MPZL1: variants seen among roughly 807,000 people sequenced by gnomAD.
MPZL1 encodes myelin protein zero-like protein 1.
Under a neutral mutation model 29.3 loss-of-function variants are expected in MPZL1, and 16 were observed. That is an observed-to-expected ratio of 0.55 (90% CI 0.37 to 0.83). The LOEUF is 0.83. Among genes scored for constraint, MPZL1 ranks in the 40% least tolerant of loss-of-function variants. The pLI is 0.00. For synonymous variants in MPZL1, 143 were observed against 132.0 expected (o/e 1.08, Z -0.57); for missense variants, 279 against 332.9 (o/e 0.84, Z 1.26).
At chr1:167,771,803 G>A (rs543514222) in intron 2 of MPZL1, among the ~76,000 whole-genome samples, 29 of 149,736 alleles carry the variant, frequency 1.9e-4, no homozygotes, top group African/African-American at 6.6e-4. Context: ...GCAGCGAGCC[G>A]AGATCACACC....
At position 167,773,245 on chromosome 1, in the gene MPZL1, C is replaced by T. The variant is rs1161083277; in HGVS notation, c.482C>T (p.Pro161Leu). 1.2e-6 allele frequency: 2 copies of T among 1,612,704 alleles called. No homozygotes were observed. The highest frequency in any genetic ancestry group is 1.7e-5 in the Admixed American group (1 of 59,872). The change falls in exon 4 of 6, where the codon CCT (proline) becomes CTT (leucine). Residue 161 changes from proline to leucine, a missense_variant. Physicochemically the swap from Pro to Leu is moderately conservative, Grantham distance 98 (BLOSUM62 -3). Transcript: ENST00000359523. The stretch of plus-strand genomic sequence containing the variant: ...TGTTCTTTCTCTCTAGAGAATTTGC[C>T]TGTGTTTCCAGTTTGGGTAGTGGTG... ...RLYVVEKENL[P>L]VFPVWVVVGI... is the part of the protein sequence containing the mutation.
chr1:167,775,735 AG>A lies in MPZL1; in HGVS notation c.606-324del, dbSNP rs1661352033. ...TTTATCCCAAAGGAGGGTTGATGGC[AG>A]GGGGAAAAGACAAACAGCAAAAGGA... On this transcript the variant is annotated intron_variant, in intron 4 of 5. Transcript: ENST00000359523. 2.0e-5 allele frequency among the ~76,000 whole-genome samples: 3 copies of A among 152,324 alleles called. No homozygotes were observed. The South Asian group carries it at 6.2e-4, about 32-fold the overall frequency.
intron 1 of MPZL1, among the ~76,000 whole-genome samples, chr1:167,739,323 T>TATATACACATACATACA (rs1437358979): frequency 1.1e-5 from 1 of 93,406 alleles, no homozygotes; most frequent in Non-Finnish European, 2.1e-5. Flanking sequence ...ATATATATAT[T>TATATACACATACATACA]TATGTTTATT....
chr1:167,777,789 T>C (rs577644071), intron 5 of MPZL1, among the ~76,000 whole-genome samples: 1 of 152,300 alleles, frequency 6.6e-6, no homozygotes, highest in Non-Finnish European at 1.5e-5. Flanking sequence ...GAGAGACTTA[T>C]AATACACAGG....
At chr1:167,738,673 A>G (rs939686268) in intron 1 of MPZL1, among the ~76,000 whole-genome samples, 6 of 151,360 alleles carry the variant, frequency 4.0e-5, no homozygotes, top group Admixed American at 3.3e-4. Flanking sequence ...TGAGTGAGTT[A>G]TTGCGAGATC....
chr1:167,731,926 T>C (rs1217500730), intron 1 of MPZL1, among the ~76,000 whole-genome samples: 3 of 152,188 alleles, frequency 2.0e-5, no homozygotes. Context: ...AAGCCACAAA[T>C]ACTTTGAAAA....
chr1:167,785,959 A>AT (rs1558127482), intron 5 of MPZL1, among the ~76,000 whole-genome samples: 1 of 151,904 alleles, frequency 6.6e-6, no homozygotes, highest in East Asian at 1.9e-4. Flanking sequence ...TGCCCGGCGA[A>AT]TTTTTTTGTA....
chr1:167,742,746 C>T (rs1023409614), intron 1 of MPZL1, among the ~76,000 whole-genome samples: 16 of 152,114 alleles, frequency 1.1e-4, no homozygotes, highest in African/African-American at 3.9e-4. Context: ...ATGTTCTCTT[C>T]TAGAATTTTT....
At chr1:167,743,571 G>T (rs1271093632) in intron 1 of MPZL1, among the ~76,000 whole-genome samples, 1 of 149,330 alleles carries the variant, frequency 6.7e-6, no homozygotes, top group African/African-American at 2.4e-5. Flanking sequence ...TGTCATCTGT[G>T]ATTTCTTTCA....
chr1:167,765,571 C>T lies in MPZL1; in HGVS notation c.92-12C>T. The T allele has an allele frequency of 6.3e-7, 1 of 1,597,692 alleles. No individual in the cohort carries two copies. The highest frequency in any genetic ancestry group is 1.1e-5 in the South Asian group (1 of 87,730). On this transcript the variant is annotated splice_polypyrimidine_tract_variant and intron_variant, in intron 1 of 5. Coordinates refer to ENST00000359523, the MANE Select transcript of MPZL1 (RefSeq NM_003953.6). Reference sequence around the variant, plus strand: ...GTCCTACTTTCAACTACCCTTATTCCTTTCTCTTCAGTGACAGCTGGAGTA... The same window carrying T: ...GTCCTACTTTCAACTACCCTTATTCTTTTCTCTTCAGTGACAGCTGGAGTA...
intron 2 of MPZL1, 83 bp downstream of exon 2, chr1:167,765,832 G>A: frequency 7.8e-7 from 1 of 1,286,758 alleles, no homozygotes. Context: ...TTTTTCTGAT[G>A]GTTCATTTCC....
At chr1:167,737,644 T>C (rs1279390668) in intron 1 of MPZL1, among the ~76,000 whole-genome samples, 1 of 152,228 alleles carries the variant, frequency 6.6e-6, no homozygotes, top group East Asian at 1.9e-4. Context: ...TCAATGGCTC[T>C]GGCCATCAAG....
chr1:167,745,092 T>C (rs1249929065), intron 1 of MPZL1, among the ~76,000 whole-genome samples: 1 of 152,126 alleles, frequency 6.6e-6, no homozygotes, highest in Non-Finnish European at 1.5e-5. Flanking sequence ...AAAAGGATAC[T>C]GGCTCTCCTT....
rs182230805 is a variant in MPZL1, at chr1:167,768,780, T to G, written c.258+3031T>G. Among the ~76,000 whole-genome samples the G allele has an allele frequency of 7.4e-4, 112 of 152,336 alleles. 1 individual carries two copies. Among genetic ancestry groups the G allele is most frequent in the African/African-American group, 2.6e-3 (110 of 41,578 alleles). On this transcript the variant is annotated intron_variant, in intron 2 of 5. Transcript: ENST00000359523. ...CCCCCATTCAATGAGGGAGCCTGAC[T>G]GAGGGAGCTGTCTCAGACCCAGTGC...
intron 1 of MPZL1, among the ~76,000 whole-genome samples, chr1:167,752,651 G>A (rs1256038780): frequency 6.6e-6 from 1 of 152,154 alleles, no homozygotes; most frequent in Non-Finnish European, 1.5e-5. Flanking sequence ...TTTACTTTCT[G>A]TTCAAGGGTG....
At chr1:167,751,658 G>A (rs1175327093) in intron 1 of MPZL1, among the ~76,000 whole-genome samples, 3 of 144,176 alleles carry the variant, frequency 2.1e-5, no homozygotes, top group Non-Finnish European at 3.0e-5. Context: ...GCGACAGGAC[G>A]AGACTCCATC....
intron 1 of MPZL1, among the ~76,000 whole-genome samples, chr1:167,758,057 G>A (rs1571154218): frequency 1.3e-5 from 2 of 151,990 alleles, no homozygotes; most frequent in East Asian, 3.9e-4. Context: ...AGGAGGCTGA[G>A]GCCAGAGAAT....
chr1:167,765,524 T>TG, intron 1 of MPZL1, 59 bp from the exon 2 acceptor site: 1 of 1,428,412 alleles, frequency 7.0e-7, no homozygotes. Flanking sequence ...CTGGCAAAAA[T>TG]GCACAGTGGT....
At chr1:167,739,753 T>C (rs1660477899) in intron 1 of MPZL1, among the ~76,000 whole-genome samples, 1 of 152,172 alleles carries the variant, frequency 6.6e-6, no homozygotes. Flanking sequence ...GTCATATCCC[T>C]GTTAACTACA....
Sources: allele counts gnomAD v4.1 joint callset (sites outside exome capture counted in the v4.1 genomes callset), GRCh38; gene constraint gnomAD v4.1.1; transcripts MANE v1.5; gene names NCBI Gene and HGNC (gene_info 2026-07-23, HGNC 2026-07-21).